The following ALCAM variants were observed in gnomAD, a reference collection of about 807,000 sequenced individuals.
The protein encoded by ALCAM is CD166 antigen.
ALCAM carries 30 observed loss-of-function variants against 70.9 expected under a neutral mutation model. That is an observed-to-expected ratio of 0.42 (90% CI 0.32 to 0.57). The LOEUF (loss-of-function observed/expected upper bound fraction) is 0.57, where lower values mean the gene tolerates loss of function less well. ALCAM is among the 20% of genes least tolerant of loss of function. The probability of loss-of-function intolerance (pLI) is 0.11; values close to 1 mark genes in which losing one functional copy is unlikely to be tolerated. For synonymous variants in ALCAM, 249 were observed against 242.5 expected, an observed-to-expected ratio of 1.03 and a Z score of -0.25; for missense variants, 591 against 695.1, an observed-to-expected ratio of 0.85 and a Z score of 1.68.
intron 1 of ALCAM, among the ~76,000 whole-genome samples, chr3:105,456,724 C>T (rs926331458): frequency 9.9e-5 from 15 of 152,028 alleles, no homozygotes; most frequent in African/African-American, 3.6e-4. Flanking sequence ...ATGATTAAAG[C>T]CATTTTACAT....
chr3:105,501,470 T>C (rs1333016172), intron 1 of ALCAM, among the ~76,000 whole-genome samples: 1 of 152,194 alleles, frequency 6.6e-6, no homozygotes, highest in Admixed American at 6.5e-5. Context: ...TATTTTGACA[T>C]GTAATTTTAT....
chr3:105,521,823 C>T (rs1939552937), intron 2 of ALCAM, among the ~76,000 whole-genome samples: 1 of 152,178 alleles, frequency 6.6e-6, no homozygotes, highest in Non-Finnish European at 1.5e-5. Context: ...GGTAAGGCAG[C>T]ACAGCATTTC....
intron 1 of ALCAM, among the ~76,000 whole-genome samples, chr3:105,446,069 A>G (rs2152587655): frequency 6.6e-6 from 1 of 152,302 alleles, no homozygotes. Context: ...AAAATATTTG[A>G]AAACTATGCA....
chr3:105,410,568 G>A (rs1044235406), intron 1 of ALCAM, among the ~76,000 whole-genome samples: 1 of 151,890 alleles, frequency 6.6e-6, no homozygotes, highest in Non-Finnish European at 1.5e-5. Context: ...CTGTATCTCC[G>A]GGGATATAGG....
intron 1 of ALCAM, among the ~76,000 whole-genome samples, chr3:105,437,390 G>GTTT (rs1289828850): frequency 6.6e-6 from 1 of 151,922 alleles, no homozygotes; most frequent in African/African-American, 2.4e-5. Flanking sequence ...ATCTTTAGCT[G>GTTT]TTTTTTTATA....
chr3:105,514,959 T>G (rs9851399), intron 1 of ALCAM, among the ~76,000 whole-genome samples: 12,330 of 152,004 alleles, frequency 0.081, 630 homozygotes, highest in Non-Finnish European at 0.12. Context: ...AGCCCTTCTT[T>G]CTATTTCACA....
In ALCAM at chr3:105,522,867, C is replaced by T. The variant is rs976620526; in HGVS notation, c.175-1422C>T. Reference sequence around the variant, plus strand: ...TAGAAAGCCCAAAGAAGGCCGGGCACGGTGGCTCACGCCTGTAATCCCAGC... The same window carrying T: ...TAGAAAGCCCAAAGAAGGCCGGGCATGGTGGCTCACGCCTGTAATCCCAGC... On this transcript the variant is annotated intron_variant, in intron 2 of 15. Transcript: ENST00000306107. Among the ~76,000 whole-genome samples, 9 of 152,124 alleles carry T rather than the reference C, an allele frequency of 5.9e-5. No individual in the cohort carries two copies. In the East Asian group the frequency reaches 1.4e-3, roughly 23 times the overall value.
At chr3:105,525,068 A>G (rs1361142315) in intron 3 of ALCAM, 11 of 913,302 alleles carry the variant, frequency 1.2e-5, no homozygotes, top group Admixed American at 1.2e-4. Context: ...TATTAGAGAT[A>G]TAGATACATT....
chr3:105,383,370 A>G (rs916308884), intron 1 of ALCAM, among the ~76,000 whole-genome samples: 2 of 151,800 alleles, frequency 1.3e-5, no homozygotes, highest in Non-Finnish European at 2.9e-5. Flanking sequence ...TGATTGAATA[A>G]ATGCATTAGT....
At chr3:105,557,985 G>A (rs1327443380) in intron 14 of ALCAM, among the ~76,000 whole-genome samples, 1 of 152,072 alleles carries the variant, frequency 6.6e-6, no homozygotes, top group Non-Finnish European at 1.5e-5. Flanking sequence ...ATAACTCTCA[G>A]TGGGGATTAG....
At chr3:105,563,928 C>T (rs2152634729) in intron 14 of ALCAM, among the ~76,000 whole-genome samples, 1 of 150,350 alleles carries the variant, frequency 6.7e-6, no homozygotes, top group Non-Finnish European at 1.5e-5. Context: ...ACCTCATGAT[C>T]CACCCGCCTC....
chr3:105,393,723 T>C (rs1935880027), intron 1 of ALCAM, among the ~76,000 whole-genome samples: 2 of 151,962 alleles, frequency 1.3e-5, no homozygotes, highest in African/African-American at 4.8e-5. Flanking sequence ...AGCAGTGTTT[T>C]GAAGTAAAAT....
intron 5 of ALCAM, among the ~76,000 whole-genome samples, chr3:105,534,131 T>A (rs1192465198): frequency 6.6e-6 from 1 of 152,076 alleles, no homozygotes; most frequent in East Asian, 1.9e-4. Context: ...CCACAACTGA[T>A]CTGACAGGAG....
At chr3:105,441,885 A>G (rs1297028023) in intron 1 of ALCAM, among the ~76,000 whole-genome samples, 8 of 152,190 alleles carry the variant, frequency 5.3e-5, no homozygotes, top group Non-Finnish European at 1.2e-4. Context: ...GCATTTTTTC[A>G]AAGAGTTACC....
intron 2 of ALCAM, 45 bp downstream of exon 2, chr3:105,520,212 T>C: frequency 7.6e-7 from 1 of 1,320,510 alleles, no homozygotes; most frequent in Non-Finnish European, 1.1e-6. Flanking sequence ...CCTTGTTCTT[T>C]TAAATAAAAT....
chr3:105,539,209 A>G (rs1940055035), intron 6 of ALCAM, among the ~76,000 whole-genome samples: 1 of 152,114 alleles, frequency 6.6e-6, no homozygotes, highest in African/African-American at 2.4e-5. Context: ...TTAGTGGATC[A>G]TTTCTAACTG....
At chr3:105,513,925 A>G (rs1382951343) in intron 1 of ALCAM, among the ~76,000 whole-genome samples, 1 of 151,966 alleles carries the variant, frequency 6.6e-6, no homozygotes, top group Non-Finnish European at 1.5e-5. Context: ...TTGTTATAAT[A>G]AAAATTGAGT....
intron 1 of ALCAM, among the ~76,000 whole-genome samples, chr3:105,385,943 G>C (rs574321922): frequency 6.6e-6 from 1 of 151,494 alleles, no homozygotes; most frequent in Admixed American, 6.6e-5. Flanking sequence ...TGTCTATATA[G>C]GTTCAGTTCC....
chr3:105,381,936 C>CT (rs1935532871), intron 1 of ALCAM, among the ~76,000 whole-genome samples: 1 of 148,776 alleles, frequency 6.7e-6, no homozygotes, highest in Non-Finnish European at 1.5e-5. Flanking sequence ...TTTATTTTTT[C>CT]TTTTTTATTA....
Sources: allele counts gnomAD v4.1 joint callset (sites outside exome capture counted in the v4.1 genomes callset), GRCh38; gene constraint gnomAD v4.1.1; transcripts MANE v1.5; gene names NCBI Gene and HGNC (gene_info 2026-07-23, HGNC 2026-07-21).